Variants in WIF1 observed in about 807,000 individuals in gnomAD.
WIF1 encodes the protein Wnt inhibitory factor 1.
A neutral mutation model predicts 53.5 loss-of-function variants in WIF1; 35 were observed. That is an observed-to-expected ratio of 0.65 (90% CI 0.50 to 0.87). The LOEUF is 0.87. Among genes scored for constraint, WIF1 ranks in the 40% least tolerant of loss-of-function variants. The pLI is 0.00. For synonymous variants in WIF1, 171 were observed against 170.4 expected, an observed-to-expected ratio of 1.00 and a Z score of -0.03; for missense variants, 467 against 476.8, an observed-to-expected ratio of 0.98 and a Z score of 0.19.
chr12:65,108,207 C>A (rs562166201), intron 2 of WIF1, among the ~76,000 whole-genome samples: 20 of 152,320 alleles, frequency 1.3e-4, no homozygotes, highest in Admixed American at 1.2e-3. Context: ...GAGCAAGCAT[C>A]ATATCCAATT....
chr12:65,069,549 G>A (rs1424946642), intron 3 of WIF1, among the ~76,000 whole-genome samples: 1 of 152,168 alleles, frequency 6.6e-6, no homozygotes, highest in African/African-American at 2.4e-5. Context: ...AATAAGAAGT[G>A]TCCATATCTC....
intron 3 of WIF1, among the ~76,000 whole-genome samples, chr12:65,073,573 A>C (rs754309810): frequency 6.6e-6 from 1 of 152,114 alleles, no homozygotes; most frequent in East Asian, 1.9e-4. Context: ...GATCAAGAGG[A>C]GTTTTCTTTC....
chr12:65,051,556 T>G, intron 9 of WIF1, 86 bp from the exon 10 acceptor site: 1 of 1,415,876 alleles, frequency 7.1e-7, no homozygotes, highest in East Asian at 2.6e-5. Context: ...ATGAAATCCA[T>G]TTTTGCCTTT....
rs781329359 is a variant in WIF1, at chr12:65,077,823, C to T, written c.320G>A (p.Arg107His). ...TGCCATGATGCCTTTATCCAGGGAG[C>T]GCAAGGACAGGAATTCATAGAAGTA... is the stretch of plus-strand genomic sequence containing the variant. ...AEYFYEFLSL[R>H]SLDKGIMADP... Residue 107 changes from arginine to histidine, a missense_variant, in exon 3 of 10, where the codon CGC becomes CAC. Transcript: ENST00000286574. The T allele has an allele frequency of 1.4e-5, 23 of 1,613,582 alleles. No individual in the cohort carries two copies. The highest frequency in any genetic ancestry group is 1.3e-4 in the Admixed American group (8 of 59,968).
At chr12:65,091,849 A>G (rs543700506) in intron 2 of WIF1, among the ~76,000 whole-genome samples, 1 of 152,298 alleles carries the variant, frequency 6.6e-6, no homozygotes, top group African/African-American at 2.4e-5. Flanking sequence ...CCCAGTAAAT[A>G]TTTACTGAGT....
At chr12:65,074,817 C>CAAAAAAAAAAA (rs758690202) in intron 3 of WIF1, among the ~76,000 whole-genome samples, 1 of 55,452 alleles carries the variant, frequency 1.8e-5, no homozygotes, top group African/African-American at 7.0e-5. Context: ...CACTCTGTCT[C>CAAAAAAAAAAA]AAAAAAAAAA....
chr12:65,075,138 G>T (rs1474760182), intron 3 of WIF1, among the ~76,000 whole-genome samples: 1 of 152,176 alleles, frequency 6.6e-6, no homozygotes, highest in African/African-American at 2.4e-5. Context: ...GCACTGTGAT[G>T]ATCAAAGAGA....
At chr12:65,095,984 A>G (rs1883198487) in intron 2 of WIF1, 1 of 152,238 alleles carries the variant, frequency 6.6e-6, no homozygotes, top group Non-Finnish European at 1.5e-5. Flanking sequence ...TAAAACACCA[A>G]AAGCAATTTC....
At position 65,066,687 on chromosome 12, in the gene WIF1, A is replaced by G; in HGVS notation, c.684T>C (p.Gly228=). The change falls in exon 6 of 10, where the codon GGT becomes GGC. Residue 228 remains glycine, a synonymous_variant. Transcript: ENST00000286574. The part of the protein sequence containing the change: ...CMNGGLCVTP[G]FCICPPGFYG... ...AGAATCCAGGTGGGCAGATGCAGAA[A>G]CCAGGAGTCACACAAAGTCCACCAT... The G allele has an allele frequency of 6.2e-7, 1 of 1,611,212 alleles. No individual in the cohort carries two copies. Among genetic ancestry groups the G allele is most frequent in the South Asian group, 1.1e-5 (1 of 90,652 alleles).
intron 3 of WIF1, among the ~76,000 whole-genome samples, chr12:65,073,755 A>G (rs2166481): frequency 0.55 from 84,344 of 152,046 alleles, 25,528 homozygotes; most frequent in East Asian, 0.86. Flanking sequence ...TCTCCTACTG[A>G]GGGACTGAGC....
At chr12:65,073,805 G>C (rs1438346634) in intron 3 of WIF1, among the ~76,000 whole-genome samples, 1 of 152,276 alleles carries the variant, frequency 6.6e-6, no homozygotes, top group Non-Finnish European at 1.5e-5. Flanking sequence ...ATGGTGTAAG[G>C]TTCCCATAAA....
chr12:65,082,273 C>G (rs1488806044), intron 2 of WIF1, among the ~76,000 whole-genome samples: 2 of 152,082 alleles, frequency 1.3e-5, no homozygotes, highest in East Asian at 1.9e-4. Flanking sequence ...AGTTTGGGAA[C>G]AATTTCCACA....
At chr12:65,104,564 G>C (rs1427372261) in intron 2 of WIF1, among the ~76,000 whole-genome samples, 1 of 152,160 alleles carries the variant, frequency 6.6e-6, no homozygotes, top group Non-Finnish European at 1.5e-5. Flanking sequence ...TGCCACTTTT[G>C]TAAAGTGAGA....
chr12:65,121,080 G>T lies in WIF1; in HGVS notation c.112C>A (p.Leu38Ile), dbSNP rs150566913. 6.5e-7 allele frequency: 1 copy of T among 1,544,576 alleles called. No individual in the cohort carries two copies. The highest frequency in any genetic ancestry group is 2.0e-5 in the Admixed American group (1 of 50,448). ...AGPPQEESLY[L>I]WIDAHQARVL... is the part of the protein sequence containing the mutation. ...CTTGCCTGGTGAGCATCGATCCATA[G>T]GTACAGGCTCTCCTCCTGCGGCGGC... The change falls in exon 1 of 10, where the codon CTA (leucine) becomes ATA (isoleucine). Residue 38 changes from leucine to isoleucine, a missense_variant. Transcript: ENST00000286574.
chr12:65,062,515 G>A lies in WIF1; in HGVS notation c.792C>T (p.Cys264=), dbSNP rs772829949. The change falls in exon 7 of 10, where the codon TGC becomes TGT. Residue 264 remains cysteine (C), a synonymous_variant. Coordinates refer to ENST00000286574, the MANE Select transcript of WIF1 (RefSeq NM_007191.5). ...GTCFYPGKCI[C]PPGLEGEQCE... is the part of the protein sequence containing the mutation. ...ACTGCTCTCCCTCTAGTCCTGGAGG[G>A]CAAATACATTTTCCAGGGTAGAAAC... The A allele has an allele frequency of 6.2e-7, 1 of 1,608,502 alleles. No homozygotes were observed. The highest frequency in any genetic ancestry group is 1.1e-5 in the South Asian group (1 of 90,060).
chr12:65,120,930 ACT>A lies in WIF1; in HGVS notation c.148+112_148+113del, dbSNP rs2136298057. ...AAATATCTAATTAAAAGAGGGGAAC[ACT>A]CTTTTGTGGAAATTAAGTTTTAAAA... is the stretch of plus-strand genomic sequence containing the variant. On this transcript the variant is annotated intron_variant, in intron 1 of 9. Coordinates refer to ENST00000286574, the MANE Select transcript of WIF1 (RefSeq NM_007191.5). 7.9e-6 allele frequency: 10 copies of A among 1,258,692 alleles called. No homozygotes were observed. The South Asian group carries it at 9.6e-5, about 12-fold the overall frequency. 78.0% of individuals were successfully genotyped at this position (1,258,692 alleles called of 1,614,324 possible). A position where few individuals can be genotyped will look rare whatever the true frequency, so the allele number is the denominator to read the frequency against.
In WIF1 at chr12:65,064,335, T is replaced by C. The variant is rs180782296; in HGVS notation, c.731-1759A>G. Reference sequence around the variant, plus strand: ...GCTTCTCTACATTTCTGTTGTGCAATGATTCTTGATTAGAAAAACAAGCAG... The same window carrying C: ...GCTTCTCTACATTTCTGTTGTGCAACGATTCTTGATTAGAAAAACAAGCAG... On this transcript the variant is annotated intron_variant, in intron 6 of 9. Coordinates refer to ENST00000286574, the MANE Select transcript of WIF1 (RefSeq NM_007191.5). Among the ~76,000 whole-genome samples the C allele has an allele frequency of 2.0e-3, 310 of 152,336 alleles. 6 individuals carry two copies. The highest frequency in any genetic ancestry group is 0.019 in the Admixed American group (290 of 15,294).
chr12:65,094,753 C>T lies in WIF1; in HGVS notation c.289-16899G>A, dbSNP rs573647128. On this transcript the variant is annotated intron_variant, in intron 2 of 9. Coordinates refer to ENST00000286574, the MANE Select transcript of WIF1 (RefSeq NM_007191.5). ...CCAAATGCAATAAATAAAGAGGGCA[C>T]ACATCAAAGGAGTTATTTTTGTGTC... Among the ~76,000 whole-genome samples the T allele has an allele frequency of 2.6e-5, 4 of 151,986 alleles. No individual in the cohort carries two copies. In the South Asian group the frequency reaches 8.3e-4, roughly 32 times the overall value.
chr12:65,076,196 C>G (rs1240821474), intron 3 of WIF1, among the ~76,000 whole-genome samples: 1 of 152,040 alleles, frequency 6.6e-6, no homozygotes, highest in East Asian at 1.9e-4. Context: ...TGCCATCACA[C>G]CTGGCTAATT....
Sources: allele counts gnomAD v4.1 joint callset (sites outside exome capture counted in the v4.1 genomes callset), GRCh38; gene constraint gnomAD v4.1.1; transcripts MANE v1.5; gene names NCBI Gene and HGNC (gene_info 2026-07-23, HGNC 2026-07-21).